ASIC2: variants seen among roughly 807,000 people sequenced by gnomAD.
The protein encoded by ASIC2 is acid-sensing ion channel 2.
In ASIC2, 25 loss-of-function variants were observed where a neutral mutation model predicts 57.3. The ratio of observed to expected loss-of-function variants is 0.44; its 90% CI spans 0.32 to 0.61. The LOEUF (loss-of-function observed/expected upper bound fraction) is 0.61, where lower values mean the gene tolerates loss of function less well. Among genes scored for constraint, ASIC2 ranks in the 20% least tolerant of loss-of-function variants. The probability of loss-of-function intolerance (pLI) is 0.06; values close to 1 mark genes in which losing one functional copy is unlikely to be tolerated. For missense variants in ASIC2, 641 were observed against 738.1 expected (o/e 0.87, Z 1.52); for synonymous variants, 319 against 307.5 (o/e 1.04, Z -0.39).
intron 1 of ASIC2, among the ~76,000 whole-genome samples, chr17:33,609,953 C>T (rs1046431628): frequency 5.9e-5 from 9 of 151,934 alleles, no homozygotes; most frequent in African/African-American, 1.5e-4. Flanking sequence ...CCCCTCCTCC[C>T]GGTGAGCAGC....
chr17:33,864,347 G>T (rs1265250174), intron 1 of ASIC2, among the ~76,000 whole-genome samples: 1 of 152,144 alleles, frequency 6.6e-6, no homozygotes, highest in South Asian at 2.1e-4. Flanking sequence ...GAAGCATGCA[G>T]ATATAGAACA....
At chr17:33,576,707 G>A (rs1916633915) in intron 1 of ASIC2, among the ~76,000 whole-genome samples, 3 of 152,150 alleles carry the variant, frequency 2.0e-5, no homozygotes, top group African/African-American at 7.2e-5. Context: ...GTGATAGCAT[G>A]CAAGAAGGAG....
intron 1 of ASIC2, among the ~76,000 whole-genome samples, chr17:33,459,037 C>T (rs1912545043): frequency 6.6e-6 from 1 of 151,852 alleles, no homozygotes. Context: ...GGTTGAAATA[C>T]TAAAACAAAC....
chr17:33,788,678 A>G (rs996423571), intron 1 of ASIC2, among the ~76,000 whole-genome samples: 1 of 152,222 alleles, frequency 6.6e-6, no homozygotes, highest in Non-Finnish European at 1.5e-5. Flanking sequence ...TAGATTGGAT[A>G]AAGACAATGT....
In ASIC2 at chr17:33,028,455, C is replaced by G. The variant is rs543388793; in HGVS notation, c.988-63G>C. 7 of 1,580,180 alleles carry G rather than the reference C, an allele frequency of 4.4e-6. No homozygotes were observed. In the African/African-American group the frequency reaches 9.4e-5, roughly 21 times the overall value. On this transcript the variant is annotated intron_variant, in intron 3 of 9. Transcript: ENST00000225823. ...ACAGACTCAGTAACTCATTCATTTA[C>G]TTACTCAATCAACAAACAATTATTG...
At chr17:33,823,847 T>C (rs916133867) in intron 1 of ASIC2, among the ~76,000 whole-genome samples, 2 of 152,236 alleles carry the variant, frequency 1.3e-5, no homozygotes, top group East Asian at 1.9e-4. Context: ...TTTGGTGTTT[T>C]GGGTTCTTTC....
intron 1 of ASIC2, among the ~76,000 whole-genome samples, chr17:33,417,703 G>A (rs553237435): frequency 3.3e-5 from 5 of 152,148 alleles, no homozygotes; most frequent in South Asian, 2.1e-4. Context: ...CAATGTTTCC[G>A]CCCCTCTGCA....
chr17:33,114,851 C>T (rs923242141), intron 1 of ASIC2, among the ~76,000 whole-genome samples: 1 of 152,236 alleles, frequency 6.6e-6, no homozygotes, highest in African/African-American at 2.4e-5. Context: ...CCCTTTCCTT[C>T]CTTTATACCA....
chr17:33,318,671 C>T lies in ASIC2; in HGVS notation c.556-206604G>A, dbSNP rs1906750490. On this transcript the variant is annotated intron_variant, in intron 1 of 9. Transcript: ENST00000359872. ...TCTTTGCTCTAGTGAGAGTTCTCAC[C>T]GTGAGGAAGGTAAATCCCCTGAGAT... Among the ~76,000 whole-genome samples, 4 of 152,174 alleles carry T rather than the reference C, an allele frequency of 2.6e-5. No individual in the cohort carries two copies. The South Asian group carries it at 8.3e-4, about 32-fold the overall frequency.
chr17:33,121,407 C>T (rs1448780279), intron 1 of ASIC2, among the ~76,000 whole-genome samples: 1 of 151,822 alleles, frequency 6.6e-6, no homozygotes, highest in African/African-American at 2.4e-5. Flanking sequence ...CAGAAGGAAG[C>T]TGCCTGGTGG....
intron 1 of ASIC2, among the ~76,000 whole-genome samples, chr17:33,944,493 A>G (rs1916262095): frequency 3.3e-5 from 5 of 152,178 alleles, no homozygotes; most frequent in Admixed American, 3.3e-4. Context: ...AGTAAGAAGA[A>G]GTGGGGAAAG....
intron 1 of ASIC2, among the ~76,000 whole-genome samples, chr17:33,420,786 T>C (rs1240697242): frequency 6.6e-6 from 1 of 152,150 alleles, no homozygotes; most frequent in African/African-American, 2.4e-5. Context: ...TGGGACGGGA[T>C]GTGCATAAGG....
upstream of ASIC2, among the ~76,000 whole-genome samples, chr17:33,294,765 C>A (rs1370206674): frequency 1.3e-5 from 2 of 152,134 alleles, no homozygotes; most frequent in Non-Finnish European, 2.9e-5. Flanking sequence ...ACACACACAC[C>A]TGGAAACCCT....
intron 1 of ASIC2, among the ~76,000 whole-genome samples, chr17:34,122,132 T>G (rs1911640663): frequency 6.6e-6 from 1 of 152,266 alleles, no homozygotes; most frequent in Non-Finnish European, 1.5e-5. Flanking sequence ...CTTTTAATAC[T>G]TATTTGTATT....
chr17:33,871,600 T>C (rs897635342), intron 1 of ASIC2, among the ~76,000 whole-genome samples: 5 of 152,066 alleles, frequency 3.3e-5, no homozygotes, highest in Admixed American at 2.6e-4. Flanking sequence ...GAGAGGACCC[T>C]CCCACCCTCT....
chr17:33,155,807 G>A (rs565582740), intron 1 of ASIC2, among the ~76,000 whole-genome samples: 1 of 152,046 alleles, frequency 6.6e-6, no homozygotes, highest in South Asian at 2.1e-4. Flanking sequence ...TGATCTCAAA[G>A]TGCTAGTTAC....
intron 1 of ASIC2, chr17:33,793,409 G>A (rs1321683012): frequency 6.6e-6 from 1 of 152,244 alleles, no homozygotes; most frequent in African/African-American, 2.4e-5. Context: ...CTGGGGATCT[G>A]CTGTGGGCCA....
At chr17:33,563,366 T>G (rs1285782843) in intron 1 of ASIC2, among the ~76,000 whole-genome samples, 1 of 152,180 alleles carries the variant, frequency 6.6e-6, no homozygotes, top group Non-Finnish European at 1.5e-5. Context: ...TAGAAAGAAG[T>G]GACTGCTCAC....
At chr17:33,041,780 T>G (rs769066152) in intron 3 of ASIC2, among the ~76,000 whole-genome samples, 45 of 152,186 alleles carry the variant, frequency 3.0e-4, no homozygotes, top group Non-Finnish European at 5.6e-4. Flanking sequence ...AAATCACATC[T>G]GAGTTCAGGA....
Sources: gnomAD v4.1 joint callset for allele counts (sites outside exome capture counted in the v4.1 genomes callset) on GRCh38, gnomAD v4.1.1 for gene constraint, MANE v1.5 for transcripts, NCBI Gene and HGNC (gene_info 2026-07-23, HGNC 2026-07-21) for gene names.